The following LIN52 variants were observed in gnomAD, a reference collection of about 807,000 sequenced individuals.
LIN52 encodes protein lin-52 homolog.
LIN52 carries 4 observed loss-of-function variants against 18.5 expected under a neutral mutation model. That is an observed-to-expected ratio of 0.22 (90% CI 0.11 to 0.49). The LOEUF (loss-of-function observed/expected upper bound fraction) is 0.49. Among genes scored for constraint, LIN52 ranks in the 20% least tolerant of loss-of-function variants. The pLI is 0.97. For missense variants in LIN52, 102 were observed against 139.5 expected (o/e 0.73, Z 1.35); for synonymous variants, 34 against 45.5 (o/e 0.75, Z 1.02).
At chr14:74,198,850 A>G (rs2078930539) in intron 5 of LIN52, 72 bp from the exon 6 acceptor site, 3 of 1,147,366 alleles carry the variant, frequency 2.6e-6, no homozygotes, top group Middle Eastern at 2.0e-4. Context: ...GCATTTTTAA[A>G]TTAAATCTTC....
rs1328403504 is a variant in LIN52 at position 74,199,500 on chromosome 14, AGCT to A, written c.*525_*527del. 6.6e-6 allele frequency: 1 copy of A among 152,382 alleles called. No homozygotes were observed. Among genetic ancestry groups the A allele is most frequent in the East Asian group, 1.9e-4 (1 of 5,204 alleles). 9.4% of individuals were successfully genotyped at this position (152,382 alleles called of 1,614,324 possible). A position where few individuals can be genotyped will look rare whatever the true frequency, so the allele number is the denominator to read the frequency against. ...TATATACTAAGTTCCCAGAATCCCC[AGCT>A]GAAGAAACCAGAATCTTCTCGAAAT... On this transcript the variant is annotated 3_prime_UTR_variant, in exon 6 of 6. Transcript: ENST00000555028.
intron 5 of LIN52, among the ~76,000 whole-genome samples, chr14:74,137,498 CTT>C (rs71460959): frequency 1.5e-4 from 17 of 111,578 alleles, no homozygotes; most frequent in Non-Finnish European, 1.2e-4. Flanking sequence ...CAGCAGCTCT[CTT>C]TTTTTTTTTT....
intron 5 of LIN52, among the ~76,000 whole-genome samples, chr14:74,175,752 C>CACA (rs1566867516): frequency 0.14 from 16,395 of 115,846 alleles, 1,121 homozygotes; most frequent in Middle Eastern, 0.22. Context: ...ACACACACAC[C>CACA]CCCATTATAC....
chr14:74,095,971 G>C lies in LIN52; in HGVS notation c.118G>C (p.Ala40Pro). The C allele has an allele frequency of 6.2e-7, 1 of 1,608,822 alleles. No homozygotes were observed. The highest frequency in any genetic ancestry group is 8.5e-7 in the Non-Finnish European group (1 of 1,177,300). Reference protein sequence around the residue: ...EQLPGVAEFAASFKSPITSSP... With the variant: ...EQLPGVAEFAPSFKSPITSSP... Reference sequence around the variant, plus strand: ...AGTACCAGGTGTTGCTGAATTTGCAGCTTCCTTCAAAAGTGTAAGTAATAT... The same window carrying C: ...AGTACCAGGTGTTGCTGAATTTGCACCTTCCTTCAAAAGTGTAAGTAATAT... Residue 40 changes from alanine to proline, a missense_variant, in exon 3 of 6, where the codon GCT becomes CCT. Coordinates refer to ENST00000555028, the MANE Select transcript of LIN52 (RefSeq NM_001024674.3).
rs140888770 is a variant in LIN52 at position 74,168,397 on chromosome 14, G to A, written c.284-30525G>A. 7.1e-3 allele frequency among the ~76,000 whole-genome samples: 1,074 copies of A among 152,264 alleles called. 15 individuals carry two copies. The highest frequency in any genetic ancestry group is 0.024 in the African/African-American group (1,014 of 41,548). On this transcript the variant is annotated intron_variant, in intron 5 of 5. Transcript: ENST00000555028. Reference sequence around the variant, plus strand: ...AAAATTAACCAGCTTTGCCGGGCGCGGTGGCTCACGCCTGTAGTCCCAGCA... The same window carrying A: ...AAAATTAACCAGCTTTGCCGGGCGCAGTGGCTCACGCCTGTAGTCCCAGCA...
intron 5 of LIN52, among the ~76,000 whole-genome samples, chr14:74,103,322 G>T (rs1213249406): frequency 6.6e-6 from 1 of 151,842 alleles, no homozygotes; most frequent in African/African-American, 2.4e-5. Context: ...CAAATAATAT[G>T]CTCACCTTGG....
chr14:74,121,075 C>CA (rs1015385547), intron 5 of LIN52, among the ~76,000 whole-genome samples: 17 of 151,804 alleles, frequency 1.1e-4, no homozygotes, highest in South Asian at 2.1e-4. Flanking sequence ...AAAACTATTC[C>CA]AAAAAAAACC....
At chr14:74,172,032 C>T (rs1469468157) in intron 5 of LIN52, among the ~76,000 whole-genome samples, 2 of 152,140 alleles carry the variant, frequency 1.3e-5, no homozygotes, top group Admixed American at 6.6e-5. Flanking sequence ...CCACTGCTCT[C>T]GGCCCATTTT....
intron 4 of LIN52, among the ~76,000 whole-genome samples, chr14:74,100,930 C>G (rs1049139290): frequency 1.3e-5 from 2 of 152,122 alleles, no homozygotes; most frequent in African/African-American, 4.8e-5. Context: ...TATGCTAGTT[C>G]TTTTCTTATT....
intron 5 of LIN52, among the ~76,000 whole-genome samples, chr14:74,137,967 G>A (rs1322005727): frequency 1.3e-5 from 2 of 152,114 alleles, no homozygotes; most frequent in South Asian, 4.1e-4. Flanking sequence ...TCTTCCAAAT[G>A]AATTACCTGT....
chr14:74,163,105 G>A (rs1177302276), intron 5 of LIN52, among the ~76,000 whole-genome samples: 4 of 152,162 alleles, frequency 2.6e-5, no homozygotes, highest in South Asian at 2.1e-4. Context: ...GTTTTGAGAC[G>A]GGGTCTGGCT....
intron 5 of LIN52, among the ~76,000 whole-genome samples, chr14:74,116,719 AAAAAG>A (rs1414611357): frequency 6.6e-6 from 1 of 151,816 alleles, no homozygotes; most frequent in South Asian, 2.1e-4. Context: ...TAAAAAAAAA[AAAAAG>A]AAAAGAAAAA....
intron 1 of LIN52, among the ~76,000 whole-genome samples, chr14:74,086,169 T>C (rs530582389): frequency 6.6e-6 from 1 of 152,290 alleles, no homozygotes; most frequent in South Asian, 2.1e-4. Flanking sequence ...CCTTTTGCGC[T>C]AGATTGTAAA....
Position 74,199,179 on chromosome 14 carries a change from G to A in LIN52, c.*202G>A, listed in dbSNP as rs1014167352. 4 of 448,474 alleles carry A rather than the reference G, an allele frequency of 8.9e-6. No individual in the cohort carries two copies. The highest frequency in any genetic ancestry group is 1.2e-5 in the Non-Finnish European group (3 of 253,290). 27.8% of individuals were successfully genotyped at this position (448,474 alleles called of 1,614,324 possible). ...GAATCTGCTCTACCCAAGGATCATT[G>A]CAGTTACTCAATCAACTTTCAGACT... On this transcript the variant is annotated 3_prime_UTR_variant, in exon 6 of 6. Coordinates refer to ENST00000555028, the MANE Select transcript of LIN52 (RefSeq NM_001024674.3).
At chr14:74,184,347 G>A (rs541314239) in intron 5 of LIN52, among the ~76,000 whole-genome samples, 3 of 152,334 alleles carry the variant, frequency 2.0e-5, no homozygotes, top group Admixed American at 6.5e-5. Flanking sequence ...GATTACAGGC[G>A]TGAGCCACCA....
intron 5 of LIN52, among the ~76,000 whole-genome samples, chr14:74,102,149 T>G (rs2139880869): frequency 6.6e-6 from 1 of 152,186 alleles, no homozygotes; most frequent in African/African-American, 2.4e-5. Context: ...AGGCTGAGGA[T>G]GGAGAATCAC....
At chr14:74,146,055 A>G (rs2139550128) in intron 5 of LIN52, among the ~76,000 whole-genome samples, 1 of 152,308 alleles carries the variant, frequency 6.6e-6, no homozygotes, top group Admixed American at 6.5e-5. Context: ...TCACCACTGA[A>G]TTCCCAACAT....
intron 5 of LIN52, among the ~76,000 whole-genome samples, chr14:74,132,521 GT>G (rs1460454428): frequency 1.3e-5 from 2 of 152,028 alleles, no homozygotes; most frequent in Non-Finnish European, 2.9e-5. Flanking sequence ...TTGGTTGGTT[GT>G]TTTTTGAGAC....
At chr14:74,128,981 A>G (rs992921087) in intron 5 of LIN52, among the ~76,000 whole-genome samples, 6 of 152,140 alleles carry the variant, frequency 3.9e-5, no homozygotes, top group Non-Finnish European at 8.8e-5. Flanking sequence ...ACAACCCTGG[A>G]GGAGGAACAG....
Sources: allele counts gnomAD v4.1 joint callset (sites outside exome capture counted in the v4.1 genomes callset), GRCh38; gene constraint gnomAD v4.1.1; transcripts MANE v1.5; gene names NCBI Gene and HGNC (gene_info 2026-07-23, HGNC 2026-07-21).